KDM5A: variants seen among roughly 807,000 people sequenced by gnomAD.
KDM5A encodes the protein lysine demethylase 5A, also known as lysine-specific demethylase 5A.
Under a neutral mutation model 193.5 loss-of-function variants are expected in KDM5A, and 42 were observed. The ratio of observed to expected loss-of-function variants is 0.22; its 90% CI spans 0.17 to 0.28. The LOEUF (loss-of-function observed/expected upper bound fraction) is 0.28. KDM5A is among the 10% of genes least tolerant of loss of function. The pLI, the probability that KDM5A is intolerant of heterozygous loss-of-function variation, is 1.00. For synonymous variants in KDM5A, 796 were observed against 718.1 expected (o/e 1.11, Z -1.73); for missense variants, 1,692 against 2,055.1 (o/e 0.82, Z 3.42).
In KDM5A at chr12:358,762, C is replaced by T. The variant is rs7967053; in HGVS notation, c.673-2225G>A. On this transcript the variant is annotated intron_variant, in intron 5 of 27. Coordinates refer to ENST00000399788, the MANE Select transcript of KDM5A (RefSeq NM_001042603.3). ...GCTGAGGCGGGTGGATCACAAGGTC[C>T]GTAATTCAAGACCAGCCTGGACAAT... Among the ~76,000 whole-genome samples the T allele has an allele frequency of 9.5e-3, 1,439 of 152,032 alleles. 30 individuals carry two copies. The highest frequency in any genetic ancestry group is 0.032 in the African/African-American group (1,342 of 41,500).
intron 6 of KDM5A, among the ~76,000 whole-genome samples, chr12:355,749 C>T (rs950640902): frequency 3.3e-5 from 5 of 152,176 alleles, no homozygotes; most frequent in African/African-American, 1.2e-4. Flanking sequence ...AGAGTTCAGT[C>T]CACTATCTGA....
intron 10 of KDM5A, among the ~76,000 whole-genome samples, chr12:338,046 A>T (rs1274202196): frequency 1.3e-5 from 2 of 152,180 alleles, no homozygotes; most frequent in African/African-American, 2.4e-5. Context: ...TGTTAAGTGA[A>T]AGCAATATAT....
intron 13 of KDM5A, 67 bp downstream of exon 13, chr12:331,752 A>C: frequency 6.3e-7 from 1 of 1,589,022 alleles, no homozygotes; most frequent in East Asian, 2.2e-5. Flanking sequence ...CAAATATGGC[A>C]ACTAAGCTGC....
Position 297,168 on chromosome 12 carries a change from A to C in KDM5A, c.4107T>G (p.Leu1369=). Residue 1369 remains leucine, a synonymous_variant, in exon 25 of 28, where the codon CTT becomes CTG. Coordinates refer to ENST00000399788, the MANE Select transcript of KDM5A (RefSeq NM_001042603.3). ...CTTCATCACAAAAAAGATTGGGTTCAAGACTACTAGAGGACTTCACACTGG... is the reference window on the plus strand; with the variant it reads ...CTTCATCACAAAAAAGATTGGGTTCCAGACTACTAGAGGACTTCACACTGG... ...DTASVKSSSS[L]EPNLFCDEEI... 1.2e-6 allele frequency: 2 copies of C among 1,614,136 alleles called. No homozygotes were observed. Among genetic ancestry groups the C allele is most frequent in the Admixed American group, 1.7e-5 (1 of 60,032 alleles).
In KDM5A at chr12:295,720, C is replaced by T. The variant is rs1243128761; in HGVS notation, c.4308G>A (p.Glu1436=). Reference sequence around the variant, plus strand: ...GTTGTGCCTTAGCTCCAGGTGACAACTCCAGCACTGGAGGTTCCAAACTTC... The same window carrying T: ...GTTGTGCCTTAGCTCCAGGTGACAATTCCAGCACTGGAGGTTCCAAACTTC... The part of the protein sequence containing the change: ...VPRSLEPPVL[E]LSPGAKAQLE... Residue 1436 remains glutamate (E), a synonymous_variant, in exon 26 of 28, where the codon GAG becomes GAA. Coordinates refer to ENST00000399788, the MANE Select transcript of KDM5A (RefSeq NM_001042603.3). 3 of 1,614,010 alleles carry T rather than the reference C, an allele frequency of 1.9e-6. No individual in the cohort carries two copies. Among genetic ancestry groups the T allele is most frequent in the Non-Finnish European group, 2.5e-6 (3 of 1,180,020 alleles).
chr12:307,234 G>T lies in KDM5A; in HGVS notation c.3931-145C>A. 9.2e-7 allele frequency: 1 copy of T among 1,089,850 alleles called. No individual in the cohort carries two copies. Among genetic ancestry groups the T allele is most frequent in the Non-Finnish European group, 1.4e-6 (1 of 734,502 alleles). The allele number at this position is 1,089,850 out of a possible 1,614,324, so 67.5% of individuals were successfully genotyped here. On this transcript the variant is annotated intron_variant, in intron 23 of 27. Coordinates refer to ENST00000399788, the MANE Select transcript of KDM5A (RefSeq NM_001042603.3). The surrounding 1 kb of genome is among the most constrained non-coding windows in gnomAD (Gnocchi z 4.3). ...ACAGTTAGTAGAAATCAAATTATTT[G>T]ATTATGATGCCAAAGTCCACCTGAA...
chr12:367,571 G>A (rs1944373375), intron 3 of KDM5A, among the ~76,000 whole-genome samples: 1 of 152,060 alleles, frequency 6.6e-6, no homozygotes, highest in South Asian at 2.1e-4. Flanking sequence ...ACGTGGTGGT[G>A]CACACCTATA....
At chr12:342,721 C>T (rs1285963278) in intron 10 of KDM5A, among the ~76,000 whole-genome samples, 1 of 150,884 alleles carries the variant, frequency 6.6e-6, no homozygotes, top group South Asian at 2.1e-4. Context: ...CTCGGCCTCC[C>T]AAAGGGCTCG....
chr12:289,624 A>G (rs1254911244), intron 27 of KDM5A, among the ~76,000 whole-genome samples: 1 of 150,796 alleles, frequency 6.6e-6, no homozygotes, highest in Non-Finnish European at 1.5e-5. Context: ...CTGTGGCAGG[A>G]GGACTGCTGG....
chr12:323,656 T>G lies in KDM5A; in HGVS notation c.2094A>C (p.Val698=). The G allele has an allele frequency of 6.2e-7, 1 of 1,614,180 alleles. No individual in the cohort carries two copies. The highest frequency in any genetic ancestry group is 8.5e-7 in the Non-Finnish European group (1 of 1,180,002). ...ACAGATCAGTTGGATGGTAGAGACA[T>G]ACAAGCCGCTCAGGATTACAGGAAC... ...LTCSCNPERL[V]CLYHPTDLCP... is the part of the protein sequence containing the mutation. Residue 698 remains valine (V), a synonymous_variant, in exon 15 of 28, where the codon GTA becomes GTC. Coordinates refer to ENST00000399788, the MANE Select transcript of KDM5A (RefSeq NM_001042603.3).
At chr12:333,104 C>G in intron 12 of KDM5A, 1 of 265,636 alleles carries the variant, frequency 3.8e-6, no homozygotes, top group Non-Finnish European at 7.4e-6. Context: ...TCTATCTAAT[C>G]AAAAGCTAAA....
At chr12:352,640 C>T (rs1944177994) in intron 8 of KDM5A, among the ~76,000 whole-genome samples, 3 of 152,154 alleles carry the variant, frequency 2.0e-5, no homozygotes. Context: ...GGATGCCTAA[C>T]ATTCTTGGCA....
intron 10 of KDM5A, among the ~76,000 whole-genome samples, chr12:345,862 GAAGCAAGAGC>G: frequency 6.6e-6 from 1 of 152,174 alleles, no homozygotes; most frequent in East Asian, 1.9e-4. Context: ...AAGAACTAGA[GAAGCAAGAGC>G]AAGCAAATTC....
Position 307,429 on chromosome 12 carries a change from A to T in KDM5A, c.3930+25T>A. 6.2e-7 allele frequency: 1 copy of T among 1,608,142 alleles called. No individual in the cohort carries two copies. The highest frequency in any genetic ancestry group is 8.5e-7 in the Non-Finnish European group (1 of 1,176,170). On this transcript the variant is annotated intron_variant, in intron 23 of 27. Coordinates refer to ENST00000399788, the MANE Select transcript of KDM5A (RefSeq NM_001042603.3). The surrounding 1 kb of genome is among the most constrained non-coding windows in gnomAD (Gnocchi z 4.3). Reference sequence around the variant, plus strand: ...ACACTGACATATCCCATGAAATAGAAAAAGAATGTAAATCCTAAACTTGCC... The same window carrying T: ...ACACTGACATATCCCATGAAATAGATAAAGAATGTAAATCCTAAACTTGCC...
chr12:302,930 T>C (rs1943462548), intron 24 of KDM5A, among the ~76,000 whole-genome samples: 2 of 152,232 alleles, frequency 1.3e-5, no homozygotes, highest in South Asian at 4.1e-4. Flanking sequence ...TCATCATCAC[T>C]GTCGCTAGAG....
intron 1 of KDM5A, chr12:388,606 G>A (rs1046249103): frequency 9.3e-6 from 4 of 429,718 alleles, no homozygotes; most frequent in African/African-American, 8.0e-5. Context: ...GGATACGTGA[G>A]GGAAGAATAC....
At chr12:388,254 AACCTT>A (rs1462475369) in intron 1 of KDM5A, 1 of 455,730 alleles carries the variant, frequency 2.2e-6, no homozygotes, top group African/African-American at 2.0e-5. Context: ...GATTATAATT[AACCTT>A]ATAGGCAAAC....
chr12:307,026 G>A lies in KDM5A; in HGVS notation c.3994C>T (p.Pro1332Ser). ...NRVVSSVSSS[P>S]RQTMDYDDEE... ...TCATCATAGTCCATTGTTTGTCGAG[G>A]AGAAGATGACACACTGCTCACCACC... is the stretch of plus-strand genomic sequence containing the variant. Residue 1332 changes from proline (P) to serine (S), a missense_variant, in exon 24 of 28, where the codon CCT (proline) becomes TCT (serine). Physicochemically the swap from Pro to Ser is moderately conservative, Grantham distance 74. Around this residue, in one of 11 missense-constraint regions of KDM5A, gnomAD observed 965 missense variants for 1,061.0 expected, o/e 0.91. Coordinates refer to ENST00000399788, the MANE Select transcript of KDM5A (RefSeq NM_001042603.3). This position sits in a 1 kb window ranked among gnomAD's most constrained non-coding sequence, Gnocchi z 4.3. 2 of 1,614,050 alleles carry A rather than the reference G, an allele frequency of 1.2e-6. No homozygotes were observed. Among genetic ancestry groups the A allele is most frequent in the African/African-American group, 1.3e-5 (1 of 75,018 alleles).
Position 281,627 on chromosome 12 carries a change from G to C in KDM5A, c.*3829C>G, listed in dbSNP as rs1943155044. ...CATATGGAGCTAATTCACATGTGAAGCTTTATTAAATCTGGTTATATGTGG... is the reference window on the plus strand; with the variant it reads ...CATATGGAGCTAATTCACATGTGAACCTTTATTAAATCTGGTTATATGTGG... On this transcript the variant is annotated 3_prime_UTR_variant, in exon 28 of 28. Transcript: ENST00000399788. 8.6e-6 allele frequency: 2 copies of C among 233,718 alleles called. No homozygotes were observed. Among genetic ancestry groups the C allele is most frequent in the African/African-American group, 2.2e-5 (1 of 45,318 alleles). 14.5% of individuals were successfully genotyped at this position (233,718 alleles called of 1,614,324 possible). A position where few individuals can be genotyped will look rare whatever the true frequency, so the allele number is the denominator to read the frequency against.
Sources: allele counts gnomAD v4.1 joint callset (sites outside exome capture counted in the v4.1 genomes callset), GRCh38; gene constraint gnomAD v4.1.1; regional missense constraint gnomAD v4.1.1; non-coding constraint Gnocchi (gnomAD v3.1); transcripts MANE v1.5; gene names NCBI Gene and HGNC (gene_info 2026-07-23, HGNC 2026-07-21).